The following HIVEP3 variants were observed in gnomAD, a reference collection of about 807,000 sequenced individuals.
HIVEP3 encodes transcription factor HIVEP3.
HIVEP3 carries 49 observed loss-of-function variants against 152.8 expected under a neutral mutation model. That is an observed-to-expected ratio of 0.32 (90% CI 0.26 to 0.41). The LOEUF (loss-of-function observed/expected upper bound fraction) is 0.41. Among genes scored for constraint, HIVEP3 ranks in the 10% least tolerant of loss-of-function variants. HIVEP3 has a pLI of 1.00. For synonymous variants in HIVEP3, 1,269 were observed against 1,289.0 expected, an observed-to-expected ratio of 0.98 and a Z score of 0.33; for missense variants, 2,790 against 3,103.3, an observed-to-expected ratio of 0.90 and a Z score of 2.40.
chr1:41,650,430 G>A (rs150653320), intron 2 of HIVEP3, among the ~76,000 whole-genome samples: 86 of 152,246 alleles, frequency 5.6e-4, no homozygotes, highest in African/African-American at 2.0e-3. Flanking sequence ...TTTCCTGGGC[G>A]CTTGCTAAGT....
At chr1:41,707,740 C>G (rs895228557) in intron 1 of HIVEP3, among the ~76,000 whole-genome samples, 2 of 152,186 alleles carry the variant, frequency 1.3e-5, no homozygotes, top group Admixed American at 1.3e-4. Flanking sequence ...CTTTCTAAAC[C>G]TCAGTTTCCT....
chr1:41,924,018 T>A (rs1282514540), intron 1 of HIVEP3, among the ~76,000 whole-genome samples: 1 of 152,094 alleles, frequency 6.6e-6, no homozygotes, highest in Non-Finnish European at 1.5e-5. Context: ...CCCTAGAAAC[T>A]GAATTTCACC....
chr1:41,578,858 G>A (rs1412097271), intron 4 of HIVEP3, among the ~76,000 whole-genome samples: 1 of 152,130 alleles, frequency 6.6e-6, no homozygotes, highest in Non-Finnish European at 1.5e-5. Context: ...AGATTCAAGG[G>A]CCCAGCACAG....
At chr1:41,900,176 T>A (rs1343785044) in intron 1 of HIVEP3, among the ~76,000 whole-genome samples, 1 of 152,204 alleles carries the variant, frequency 6.6e-6, no homozygotes, top group Non-Finnish European at 1.5e-5. Flanking sequence ...CAATTCAAGA[T>A]GTGCCTGTGC....
At chr1:41,773,651 C>T (rs1157049429) in intron 1 of HIVEP3, among the ~76,000 whole-genome samples, 1 of 152,216 alleles carries the variant, frequency 6.6e-6, no homozygotes. Flanking sequence ...GTGCTTCATT[C>T]CTTCCTAAGC....
chr1:41,715,056 G>A (rs1331059884), intron 1 of HIVEP3, among the ~76,000 whole-genome samples: 3 of 151,912 alleles, frequency 2.0e-5, no homozygotes, highest in Non-Finnish European at 2.9e-5. Context: ...TAAAGATAAC[G>A]AAGGCTCTCA....
At chr1:41,612,199 C>G (rs1197809171) in intron 3 of HIVEP3, among the ~76,000 whole-genome samples, 1 of 152,192 alleles carries the variant, frequency 6.6e-6, no homozygotes, top group Admixed American at 6.5e-5. Context: ...CTTTGTTCAG[C>G]CAAATCCTTC....
At chr1:41,920,065 C>T (rs1644928438), upstream of HIVEP3, among the ~76,000 whole-genome samples, 2 of 152,194 alleles carry the variant, frequency 1.3e-5, no homozygotes, top group African/African-American at 4.8e-5. Context: ...TGCACTGTCA[C>T]CCTCCCACCT....
upstream of HIVEP3, among the ~76,000 whole-genome samples, chr1:41,922,616 G>A (rs537432327): frequency 6.6e-6 from 1 of 152,226 alleles, no homozygotes; most frequent in Admixed American, 6.5e-5. Context: ...TGAGAATATA[G>A]TTGTAAAATT....
chr1:41,688,164 A>C (rs1168496839), intron 2 of HIVEP3, among the ~76,000 whole-genome samples: 1 of 152,238 alleles, frequency 6.6e-6, no homozygotes, highest in Non-Finnish European at 1.5e-5. Context: ...GGTGACCTCC[A>C]GATAGCCAAG....
intron 1 of HIVEP3, among the ~76,000 whole-genome samples, chr1:42,015,739 C>T (rs1439255612): frequency 6.6e-6 from 1 of 152,266 alleles, no homozygotes; most frequent in Non-Finnish European, 1.5e-5. Flanking sequence ...TGTCACTTGT[C>T]CCCTGAGGCA....
chr1:41,933,299 A>G (rs1420061243), intron 1 of HIVEP3, among the ~76,000 whole-genome samples: 1 of 152,048 alleles, frequency 6.6e-6, no homozygotes, highest in Non-Finnish European at 1.5e-5. Flanking sequence ...TATCTATTTC[A>G]CTTTTTGATT....
intron 1 of HIVEP3, among the ~76,000 whole-genome samples, chr1:42,023,782 T>C (rs1252039154): frequency 3.9e-5 from 6 of 152,224 alleles, no homozygotes; most frequent in Admixed American, 2.0e-4. Context: ...TCCAGAACCA[T>C]GAACCAATGA....
chr1:41,791,125 C>T (rs1649665737), intron 1 of HIVEP3, among the ~76,000 whole-genome samples: 1 of 66,468 alleles, frequency 1.5e-5, no homozygotes, highest in South Asian at 5.2e-4. Context: ...CATGTGTACA[C>T]ACACACACAC....
intron 1 of HIVEP3, among the ~76,000 whole-genome samples, chr1:41,770,327 A>T (rs951295981): frequency 6.6e-6 from 1 of 152,116 alleles, no homozygotes; most frequent in African/African-American, 2.4e-5. Context: ...CTCCCCCAGA[A>T]TATTTTCTAA....
chr1:41,854,517 C>CTTTTTTTTT (rs998972000), intron 1 of HIVEP3, among the ~76,000 whole-genome samples: 2 of 103,674 alleles, frequency 1.9e-5, no homozygotes, highest in Non-Finnish European at 3.7e-5. Flanking sequence ...TCTTGCTGCA[C>CTTTTTTTTT]TTTTTTTTTT....
At chr1:41,627,809 C>T (rs1200978528) in intron 3 of HIVEP3, among the ~76,000 whole-genome samples, 2 of 152,150 alleles carry the variant, frequency 1.3e-5, no homozygotes, top group African/African-American at 4.8e-5. Context: ...AATGTAGATT[C>T]CTGGGTCCCC....
chr1:41,547,347 T>G (rs2483693), intron 5 of HIVEP3, among the ~76,000 whole-genome samples: 116,253 of 152,054 alleles, frequency 0.76, 45,962 homozygotes, highest in Non-Finnish European at 0.88. Context: ...CAGTCGGTCT[T>G]GGGGTTTGGA....
At chr1:41,891,421 C>T (rs1241840627) in intron 1 of HIVEP3, among the ~76,000 whole-genome samples, 2 of 152,204 alleles carry the variant, frequency 1.3e-5, no homozygotes, top group Non-Finnish European at 2.9e-5. Flanking sequence ...ACTGTGCTTC[C>T]TGACAATGAA....
Sources: allele counts gnomAD v4.1 joint callset (sites outside exome capture counted in the v4.1 genomes callset), GRCh38; gene constraint gnomAD v4.1.1; transcripts MANE v1.5; gene names NCBI Gene and HGNC (gene_info 2026-07-23, HGNC 2026-07-21).